Variants in VASP observed in about 807,000 individuals in gnomAD.
The protein encoded by VASP is vasodilator stimulated phosphoprotein, also known as vasodilator-stimulated phosphoprotein.
Under a neutral mutation model 54.4 loss-of-function variants are expected in VASP, and 27 were observed. The observed-to-expected ratio is 0.50, with a 90% CI of 0.37 to 0.68. The LOEUF is 0.68. Ranked by LOEUF, VASP falls within the 30% of genes least tolerant of loss-of-function variation. The pLI is 0.00. For missense variants in VASP, 488 were observed against 528.3 expected (o/e 0.92, Z 0.75); for synonymous variants, 233 against 209.8 (o/e 1.11, Z -0.96).
Position 45,507,500 on chromosome 19 carries a change from T to C in VASP, c.-272T>C. The C allele has an allele frequency of 6.0e-6, 3 of 501,062 alleles. No individual in the cohort carries two copies. The highest frequency in any genetic ancestry group is 1.1e-5 in the Non-Finnish European group (3 of 283,830). 31.0% of individuals were successfully genotyped at this position (501,062 alleles called of 1,614,324 possible). ...AAGTACAGTAGTAAGAGTAACACTG[T>C]AGCCGCCACCGGCAAGGGGTGCGCG... On this transcript the variant is annotated 5_prime_UTR_variant, in exon 1 of 13. Transcript: ENST00000245932. The surrounding 1 kb of genome is among the most constrained non-coding windows in gnomAD (Gnocchi z 4.4).
chr19:45,508,551 G>A (rs1257939448), intron 1 of VASP, among the ~76,000 whole-genome samples: 2 of 149,166 alleles, frequency 1.3e-5, no homozygotes, highest in East Asian at 3.9e-4. Context: ...AGAGGGAGGG[G>A]GCGCGGCAGC....
At chr19:45,523,540 G>T in intron 7 of VASP, 104 bp from the exon 8 acceptor site, 1 of 1,337,142 alleles carries the variant, frequency 7.5e-7, no homozygotes, top group South Asian at 1.3e-5. Context: ...TAGGTTTTCG[G>T]AGTTCCAGAA....
intron 6 of VASP, 67 bp from the exon 7 acceptor site, chr19:45,522,650 CG>C (rs1195051853): frequency 3.2e-6 from 5 of 1,565,646 alleles, no homozygotes; most frequent in Non-Finnish European, 4.3e-6. Context: ...GGGCTGCCGG[CG>C]GTGTCATTGG....
At chr19:45,522,665 G>A in intron 6 of VASP, 53 bp from the exon 7 acceptor site, 1 of 1,583,406 alleles carries the variant, frequency 6.3e-7, no homozygotes, top group Non-Finnish European at 8.5e-7. Context: ...TCATTGGGCT[G>A]GAAGGCCAAA....
In VASP at chr19:45,526,378, C is replaced by G; in HGVS notation, c.*201C>G. On this transcript the variant is annotated 3_prime_UTR_variant, in exon 13 of 13. Transcript: ENST00000245932. ...CTGGCTGCTGATTGGCTGGGGAGGC[C>G]CCCGCCCTTTTCTCCCTTTGGTCCT... 1 of 609,104 alleles carries G rather than the reference C, an allele frequency of 1.6e-6. No homozygotes were observed. The highest frequency in any genetic ancestry group is 1.9e-5 in the African/African-American group (1 of 52,436). The allele number at this position is 609,104 out of a possible 1,614,324, so 37.7% of individuals were successfully genotyped here. A position where few individuals can be genotyped will look rare whatever the true frequency, so the allele number is the denominator to read the frequency against.
intron 1 of VASP, among the ~76,000 whole-genome samples, chr19:45,509,458 C>T (rs1390887734): frequency 6.6e-6 from 1 of 152,100 alleles, no homozygotes; most frequent in African/African-American, 2.4e-5. Flanking sequence ...GTTAGTGCTG[C>T]CTCACTCACT....
chr19:45,525,866 C>A, intron 11 of VASP, 80 bp from the exon 12 acceptor site: 1 of 1,435,242 alleles, frequency 7.0e-7, no homozygotes, highest in Non-Finnish European at 9.6e-7. Flanking sequence ...AAGGTTCCTT[C>A]TCAAAAAATA....
In VASP at chr19:45,526,320, C is replaced by A; in HGVS notation, c.*143C>A. ...ACTCCCCATCCCACTTGGAAAACTC[C>A]AAGGGGGTGTGGCTTCCCTGCTCAC... On this transcript the variant is annotated 3_prime_UTR_variant, in exon 13 of 13. Transcript: ENST00000245932. 9.3e-7 allele frequency: 1 copy of A among 1,073,164 alleles called. No homozygotes were observed. The highest frequency in any genetic ancestry group is 1.3e-6 in the Non-Finnish European group (1 of 777,834). The allele number at this position is 1,073,164 out of a possible 1,614,324, so 66.5% of individuals were successfully genotyped here. A position where few individuals can be genotyped will look rare whatever the true frequency, so the allele number is the denominator to read the frequency against.
chr19:45,523,190 ATTTTTTTTTTTTT>A (rs61288703), intron 7 of VASP, among the ~76,000 whole-genome samples: 56 of 74,732 alleles, frequency 7.5e-4, no homozygotes, highest in Non-Finnish European at 1.0e-3. Context: ...AATCTCTTGA[ATTTTTTTTTTTTT>A]TTTTTTTTTT....
At chr19:45,522,016 C>A in intron 4 of VASP, 152 bp from the exon 5 acceptor site, 1 of 920,430 alleles carries the variant, frequency 1.1e-6, no homozygotes. Flanking sequence ...CACCCAGCCC[C>A]CTTCTTGGTT....
intron 4 of VASP, 118 bp from the exon 5 acceptor site, chr19:45,522,050 G>A: frequency 7.3e-7 from 1 of 1,362,088 alleles, no homozygotes; most frequent in South Asian, 1.3e-5. Flanking sequence ...AGGCTTGGGT[G>A]AGTATTAGGA....
In VASP at chr19:45,522,562, A is replaced by C; in HGVS notation, c.701A>C (p.Lys234Thr). The change falls in exon 6 of 13, where the codon AAA becomes ACA. Residue 234 changes from lysine to threonine, a missense_variant. By Grantham distance (78) the Lys-to-Thr change is moderately conservative. This residue lies in a region of VASP where 226 missense variants were observed against 196.0 expected (regional missense o/e 1.15). Transcript: ENST00000245932. ...CTGGCCGCAGCTATTGCTGGAGCCA[A>C]ACTCAGGAAAGTCAGCAAGGTGAGG... ...PGLAAAIAGA[K>T]LRKVSKQEEA... 1 of 1,461,966 alleles carries C rather than the reference A, an allele frequency of 6.8e-7. No individual in the cohort carries two copies. Among genetic ancestry groups the C allele is most frequent in the Non-Finnish European group, 9.0e-7 (1 of 1,112,718 alleles). 90.6% of individuals were successfully genotyped at this position (1,461,966 alleles called of 1,614,324 possible). A position where few individuals can be genotyped will look rare whatever the true frequency, so the allele number is the denominator to read the frequency against.
At chr19:45,516,294 G>A (rs1340633549) in intron 1 of VASP, among the ~76,000 whole-genome samples, 2 of 152,248 alleles carry the variant, frequency 1.3e-5, no homozygotes, top group Non-Finnish European at 2.9e-5. Flanking sequence ...CAGACACAGA[G>A]CAGGGAGTAT....
rs1392661856 is a variant in VASP at position 45,526,377 on chromosome 19, C to T, written c.*200C>T. 2 of 609,534 alleles carry T rather than the reference C, an allele frequency of 3.3e-6. No homozygotes were observed. Among genetic ancestry groups the T allele is most frequent in the Non-Finnish European group, 2.7e-6 (1 of 373,758 alleles). 37.8% of individuals were successfully genotyped at this position (609,534 alleles called of 1,614,324 possible). On this transcript the variant is annotated 3_prime_UTR_variant, in exon 13 of 13. Transcript: ENST00000245932. ...ACTGGCTGCTGATTGGCTGGGGAGG[C>T]CCCCGCCCTTTTCTCCCTTTGGTCC...
Position 45,521,321 on chromosome 19 carries a change from G to C in VASP, c.344-1G>C. 2 of 1,573,714 alleles carry C rather than the reference G, an allele frequency of 1.3e-6. No homozygotes were observed. The highest frequency in any genetic ancestry group is 1.7e-6 in the Non-Finnish European group (2 of 1,159,418). ...ATGGCCCTTTCTCTCTCACCTTTCA[G>C]GAGGTGGGCCCCCTCCACCCCCAGC... On this transcript the variant is annotated splice_acceptor_variant, in intron 3 of 12. Coordinates refer to ENST00000245932, the MANE Select transcript of VASP (RefSeq NM_003370.4). LOFTEE classifies it high-confidence loss of function.
rs758737996 is a variant in VASP, at chr19:45,510,225, GGTTT to G, written c.5+2462_5+2465del. On this transcript the variant is annotated intron_variant, in intron 1 of 12. Transcript: ENST00000245932. ...AGCAATTCTGGCTGGTTTTTTTGTTGGTTTGTTTGTTTGTTTTGAGACGGAAATT... is the reference window on the plus strand; with the variant it reads ...AGCAATTCTGGCTGGTTTTTTTGTTGGTTTGTTTGTTTTGAGACGGAAATT... Among the ~76,000 whole-genome samples, 26 of 119,640 alleles carry G rather than the reference GGTTT, an allele frequency of 2.2e-4. 1 individual carries two copies. The highest frequency in any genetic ancestry group is 1.2e-3 in the South Asian group (4 of 3,358). The allele number at this position is 119,640 out of a possible 152,430, so 78.5% of individuals were successfully genotyped here. A position where few individuals can be genotyped will look rare whatever the true frequency, so the allele number is the denominator to read the frequency against.
At chr19:45,519,545 C>G (rs1398850263) in intron 3 of VASP, among the ~76,000 whole-genome samples, 2 of 151,484 alleles carry the variant, frequency 1.3e-5, no homozygotes, top group Middle Eastern at 3.5e-3. Flanking sequence ...CCACTTCAGC[C>G]TCCTAAAGTG....
chr19:45,514,483 A>C (rs1393434106), intron 1 of VASP, among the ~76,000 whole-genome samples: 1 of 152,050 alleles, frequency 6.6e-6, no homozygotes, highest in African/African-American at 2.4e-5. Flanking sequence ...GGCCTCTCAA[A>C]GTGCTGGGAT....
intron 4 of VASP, among the ~76,000 whole-genome samples, chr19:45,521,627 G>T (rs972571624): frequency 2.0e-5 from 3 of 152,224 alleles, no homozygotes; most frequent in African/African-American, 7.2e-5. Flanking sequence ...GGTGGCTCAC[G>T]CCTGTAATCC....
Sources: gnomAD v4.1 joint callset for allele counts (sites outside exome capture counted in the v4.1 genomes callset) on GRCh38, gnomAD v4.1.1 for gene constraint, gnomAD v4.1.1 regional missense constraint, Gnocchi (gnomAD v3.1) non-coding constraint, MANE v1.5 for transcripts, NCBI Gene and HGNC (gene_info 2026-07-23, HGNC 2026-07-21) for gene names.